Variants in TRIM37 observed in about 807,000 individuals in gnomAD.
TRIM37 encodes the protein E3 ubiquitin-protein ligase TRIM37.
Under a neutral mutation model 129.8 loss-of-function variants are expected in TRIM37, and 80 were observed. The ratio of observed to expected loss-of-function variants is 0.62; its 90% confidence interval spans 0.51 to 0.74. The LOEUF (loss-of-function observed/expected upper bound fraction) is 0.74, where lower values mean the gene tolerates loss of function less well. Ranked by LOEUF, TRIM37 falls within the 30% of genes least tolerant of loss-of-function variation. The pLI is 0.00. For synonymous variants in TRIM37, 389 were observed against 387.1 expected, an observed-to-expected ratio of 1.00 and a Z score of -0.06; for missense variants, 1,054 against 1,176.5, an observed-to-expected ratio of 0.90 and a Z score of 1.52.
intron 16 of TRIM37, among the ~76,000 whole-genome samples, chr17:59,044,393 T>G (rs558585547): frequency 2.6e-5 from 4 of 152,170 alleles, no homozygotes; most frequent in South Asian, 4.2e-4. Context: ...AAACCCTGTC[T>G]CTACTAAAAC....
chr17:59,016,993 T>C (rs1050531367), intron 20 of TRIM37, among the ~76,000 whole-genome samples: 1 of 151,702 alleles, frequency 6.6e-6, no homozygotes, highest in Non-Finnish European at 1.5e-5. Context: ...CTGGGCAACC[T>C]GTCTCTACAA....
intron 7 of TRIM37, among the ~76,000 whole-genome samples, chr17:59,077,210 T>A (rs1218962995): frequency 6.6e-6 from 1 of 151,586 alleles, no homozygotes; most frequent in Admixed American, 6.6e-5. Context: ...TCCTCCCACC[T>A]CAGCCTCCTG....
intron 7 of TRIM37, among the ~76,000 whole-genome samples, chr17:59,077,313 A>G (rs2042895808): frequency 6.7e-6 from 1 of 148,724 alleles, no homozygotes; most frequent in Admixed American, 6.8e-5. Context: ...CACATTGCCC[A>G]GGCTGGGCTT....
rs77745063 is a variant in TRIM37 at position 59,022,910 on chromosome 17, A to G, written c.2258-5486T>C. Among the ~76,000 whole-genome samples, 108 of 152,294 alleles carry G rather than the reference A, an allele frequency of 7.1e-4. No individual in the cohort carries two copies. In the East Asian group the frequency reaches 8.5e-3, roughly 12 times the overall value. On this transcript the variant is annotated intron_variant, in intron 19 of 23. Coordinates refer to ENST00000262294, the MANE Select transcript of TRIM37 (RefSeq NM_015294.6). Reference sequence around the variant, plus strand: ...AACTTTCTCAAAAAGCCTTTGTTACATATTTTGCAGATACAGTTGACGCTT... The same window carrying G: ...AACTTTCTCAAAAAGCCTTTGTTACGTATTTTGCAGATACAGTTGACGCTT...
intron 22 of TRIM37, among the ~76,000 whole-genome samples, chr17:59,011,132 G>T (rs184740716): frequency 1.3e-5 from 2 of 151,488 alleles, no homozygotes; most frequent in East Asian, 3.9e-4. Flanking sequence ...CTGTGCCACT[G>T]CACTCCAGAC....
chr17:59,029,152 G>A (rs2037556163), intron 18 of TRIM37, among the ~76,000 whole-genome samples: 1 of 152,158 alleles, frequency 6.6e-6, no homozygotes, highest in African/African-American at 2.4e-5. Context: ...TTCTGGCCAG[G>A]TGCAGTGGCT....
At chr17:59,052,235 A>G (rs1772099166) in intron 13 of TRIM37, among the ~76,000 whole-genome samples, 1 of 151,844 alleles carries the variant, frequency 6.6e-6, no homozygotes, top group Non-Finnish European at 1.5e-5. Context: ...AAAAACTATT[A>G]CTAAAGCAAA....
Position 59,031,893 on chromosome 17 carries a change from T to C in TRIM37, c.1948+3A>G. On this transcript the variant is annotated splice_donor_region_variant and intron_variant, in intron 18 of 23. Coordinates refer to ENST00000262294, the MANE Select transcript of TRIM37 (RefSeq NM_015294.6). ...AAGGAAATTATCATTGTTATTATTT[T>C]ACCTGTGGGCTGCAGAAGTGAAGCA... 1 of 1,613,754 alleles carries C rather than the reference T, an allele frequency of 6.2e-7. No homozygotes were observed. Among genetic ancestry groups the C allele is most frequent in the Non-Finnish European group, 8.5e-7 (1 of 1,179,832 alleles).
chr17:59,096,203 G>C (rs1381158194), intron 2 of TRIM37, among the ~76,000 whole-genome samples: 1 of 151,912 alleles, frequency 6.6e-6, no homozygotes, highest in Non-Finnish European at 1.5e-5. Flanking sequence ...AAATAAGCCA[G>C]ATGGTAAATA....
At chr17:59,096,453 G>A (rs1599553714) in intron 2 of TRIM37, among the ~76,000 whole-genome samples, 1 of 150,874 alleles carries the variant, frequency 6.6e-6, no homozygotes, top group African/African-American at 2.4e-5. Flanking sequence ...TCGGGAGGCT[G>A]AGGCAGGAGA....
downstream of TRIM37, among the ~76,000 whole-genome samples, chr17:58,996,369 C>G (rs2032996181): frequency 6.6e-6 from 1 of 150,806 alleles, no homozygotes; most frequent in Non-Finnish European, 1.5e-5. Flanking sequence ...ATTTGGGAGG[C>G]TGAAGCAGGA....
At chr17:58,983,635 T>C (rs2031526080) in intron 24 of TRIM37, 1 of 152,670 alleles carries the variant, frequency 6.6e-6, no homozygotes, top group Admixed American at 6.5e-5. Flanking sequence ...AAAGTATCTA[T>C]ATAATATCTA....
chr17:59,094,123 A>G (rs2044647606), intron 2 of TRIM37, among the ~76,000 whole-genome samples: 1 of 152,124 alleles, frequency 6.6e-6, no homozygotes, highest in Non-Finnish European at 1.5e-5. Flanking sequence ...TCCAACTCTG[A>G]CCTCAAGTGA....
At chr17:59,043,594 G>C in intron 16 of TRIM37, among the ~76,000 whole-genome samples, 1 of 152,122 alleles carries the variant, frequency 6.6e-6, no homozygotes, top group African/African-American at 2.4e-5. Flanking sequence ...ACCTATTGCT[G>C]ATGCTATAGT....
chr17:59,014,940 G>C (rs1280446429), intron 21 of TRIM37, among the ~76,000 whole-genome samples: 1 of 151,386 alleles, frequency 6.6e-6, no homozygotes, highest in Non-Finnish European at 1.5e-5. Context: ...GCTGGGCGTG[G>C]TGGTGGGCGC....
At chr17:59,090,513 T>C (rs2044196474) in intron 3 of TRIM37, among the ~76,000 whole-genome samples, 1 of 152,214 alleles carries the variant, frequency 6.6e-6, no homozygotes, top group African/African-American at 2.4e-5. Flanking sequence ...TATTATTAAG[T>C]GAGAAGACAG....
At chr17:59,103,212 CTT>C (rs1410907685) in intron 2 of TRIM37, among the ~76,000 whole-genome samples, 8 of 152,246 alleles carry the variant, frequency 5.3e-5, no homozygotes, top group African/African-American at 1.9e-4. Context: ...CATGTGACCT[CTT>C]TGATTTTCTC....
chr17:59,006,973 T>C (rs543328918), intron 22 of TRIM37, among the ~76,000 whole-genome samples: 4 of 152,184 alleles, frequency 2.6e-5, no homozygotes, highest in Non-Finnish European at 4.4e-5. Context: ...AGGAAGTTGT[T>C]GAGGTGCTTA....
intron 17 of TRIM37, among the ~76,000 whole-genome samples, chr17:59,039,161 G>A (rs1487705144): frequency 6.6e-6 from 1 of 152,164 alleles, no homozygotes; most frequent in South Asian, 2.1e-4. Flanking sequence ...ATGCATGTTT[G>A]TCTACTATGC....
Sources: gnomAD v4.1 joint callset for allele counts (sites outside exome capture counted in the v4.1 genomes callset) on GRCh38, gnomAD v4.1.1 for gene constraint, MANE v1.5 for transcripts, NCBI Gene and HGNC (gene_info 2026-07-23, HGNC 2026-07-21) for gene names.